Variants in GALNT13 observed in about 807,000 individuals in gnomAD.
GALNT13 encodes UDP-GalNAc:polypeptide N-acetylgalactosaminyltransferase 13.
Under a neutral mutation model 64.2 loss-of-function variants are expected in GALNT13, and 28 were observed. The ratio of observed to expected loss-of-function variants is 0.44; its 90% CI spans 0.32 to 0.60. The LOEUF is 0.60. Among genes scored for constraint, GALNT13 ranks in the 20% least tolerant of loss-of-function variants. GALNT13 has a pLI of 0.05. For missense variants in GALNT13, 577 were observed against 669.8 expected, an observed-to-expected ratio of 0.86 and a Z score of 1.53; for synonymous variants, 214 against 224.6, an observed-to-expected ratio of 0.95 and a Z score of 0.42.
the GALNT13 span, among the ~76,000 whole-genome samples, chr2:153,372,992 T>C: frequency 6.6e-6 from 1 of 152,220 alleles, no homozygotes; most frequent in African/African-American, 2.4e-5. Context: ...TGGAGTTGCA[T>C]AAGACAGTAG....
intron 3 of GALNT13, among the ~76,000 whole-genome samples, chr2:154,123,686 C>G (rs1682091316): frequency 6.6e-6 from 1 of 151,834 alleles, no homozygotes; most frequent in Admixed American, 6.6e-5. Context: ...AATGTACTAC[C>G]ATTTAATCCA....
the GALNT13 span, among the ~76,000 whole-genome samples, chr2:153,721,302 C>T: frequency 1.4e-5 from 2 of 145,758 alleles, no homozygotes; most frequent in Non-Finnish European, 3.0e-5. Context: ...AAAAGAGCTC[C>T]TGAAGGAAGC....
intron 4 of GALNT13, among the ~76,000 whole-genome samples, chr2:154,194,302 C>G (rs977378999): frequency 6.6e-6 from 1 of 152,110 alleles, no homozygotes; most frequent in African/African-American, 2.4e-5. Flanking sequence ...TGACTCTAGA[C>G]CATTATTCAG....
At chr2:153,726,405 C>T in the GALNT13 span, among the ~76,000 whole-genome samples, 1 of 151,872 alleles carries the variant, frequency 6.6e-6, no homozygotes, top group Non-Finnish European at 1.5e-5. Flanking sequence ...ACCATTCCTT[C>T]ATGTAGCCAT....
intron 3 of GALNT13, among the ~76,000 whole-genome samples, chr2:154,100,266 T>C (rs1312654964): frequency 6.6e-6 from 1 of 152,108 alleles, no homozygotes; most frequent in East Asian, 1.9e-4. Context: ...TAATTGGATA[T>C]GAATTTAATT....
chr2:153,881,224 G>A (rs111505371), intron 1 of GALNT13, among the ~76,000 whole-genome samples: 6 of 152,090 alleles, frequency 3.9e-5, no homozygotes, highest in South Asian at 2.1e-4. Flanking sequence ...CTTGCCACAC[G>A]GTTCTCACAT....
intron 1 of GALNT13, among the ~76,000 whole-genome samples, chr2:153,876,049 G>T (rs1173251542): frequency 6.6e-6 from 1 of 151,988 alleles, no homozygotes. Flanking sequence ...AATTATCAAA[G>T]GATTTAAACT....
chr2:154,142,777 T>G (rs1683333595), intron 4 of GALNT13, among the ~76,000 whole-genome samples: 1 of 151,788 alleles, frequency 6.6e-6, no homozygotes, highest in African/African-American at 2.4e-5. Context: ...ATTTGTGCAT[T>G]GCAAATTATT....
At chr2:153,990,999 A>G (rs1695121463) in intron 3 of GALNT13, among the ~76,000 whole-genome samples, 1 of 152,178 alleles carries the variant, frequency 6.6e-6, no homozygotes, top group African/African-American at 2.4e-5. Flanking sequence ...TGAAACTCTC[A>G]TGCAGTAACT....
chr2:154,120,909 C>G (rs1681905199), intron 3 of GALNT13, among the ~76,000 whole-genome samples: 1 of 152,050 alleles, frequency 6.6e-6, no homozygotes, highest in Non-Finnish European at 1.5e-5. Flanking sequence ...TCCTTTGTTT[C>G]TGTCTGAGTC....
chr2:153,847,509 A>T, the GALNT13 span, among the ~76,000 whole-genome samples: 44,318 of 151,944 alleles, frequency 0.29, 7,048 homozygotes, highest in Middle Eastern at 0.43. Flanking sequence ...ACCAGAAAAA[A>T]ACTCATACAG....
At chr2:153,759,556 G>A in the GALNT13 span, among the ~76,000 whole-genome samples, 1 of 152,040 alleles carries the variant, frequency 6.6e-6, no homozygotes, top group Non-Finnish European at 1.5e-5. Context: ...CCTCTAATGA[G>A]ATTGATCATA....
the GALNT13 span, among the ~76,000 whole-genome samples, chr2:153,198,111 TC>T: frequency 6.6e-6 from 1 of 152,122 alleles, no homozygotes; most frequent in South Asian, 2.1e-4. Flanking sequence ...TTAGTGAGCC[TC>T]CAGAAATGTG....
intron 2 of GALNT13, among the ~76,000 whole-genome samples, chr2:153,930,409 C>A (rs2105354895): frequency 6.6e-6 from 1 of 152,240 alleles, no homozygotes; most frequent in East Asian, 1.9e-4. Flanking sequence ...TTGCTGGGAC[C>A]TATGTCCAGA....
chr2:153,337,031 A>C, the GALNT13 span, among the ~76,000 whole-genome samples: 2 of 152,074 alleles, frequency 1.3e-5, no homozygotes, highest in Non-Finnish European at 2.9e-5. Context: ...TCCTACCATG[A>C]TTCTGAGGCC....
the GALNT13 span, among the ~76,000 whole-genome samples, chr2:153,278,748 G>C: frequency 6.6e-6 from 1 of 152,010 alleles, no homozygotes; most frequent in South Asian, 2.1e-4. Context: ...ATGCTTTGTT[G>C]TTTACTGCAG....
the GALNT13 span, among the ~76,000 whole-genome samples, chr2:153,230,839 CTT>C: frequency 6.6e-6 from 1 of 152,122 alleles, no homozygotes; most frequent in Non-Finnish European, 1.5e-5. Context: ...AATTTGGAGA[CTT>C]TTCACAAATA....
chr2:153,973,322 G>A (rs185435877), intron 3 of GALNT13, among the ~76,000 whole-genome samples: 188 of 151,984 alleles, frequency 1.2e-3, no homozygotes, highest in South Asian at 3.5e-3. Flanking sequence ...TCTGAAATGT[G>A]TCAACATCAT....
chr2:153,326,762 A>T, the GALNT13 span, among the ~76,000 whole-genome samples: 1 of 152,176 alleles, frequency 6.6e-6, no homozygotes, highest in Non-Finnish European at 1.5e-5. Context: ...TTGGCTGGAT[A>T]TGAAAATCTG....
Sources: allele counts gnomAD v4.1 joint callset (sites outside exome capture counted in the v4.1 genomes callset), GRCh38; gene constraint gnomAD v4.1.1; transcripts MANE v1.5; gene names NCBI Gene and HGNC (gene_info 2026-07-23, HGNC 2026-07-21).